CYSTM1: variants seen among roughly 807,000 people sequenced by gnomAD.
CYSTM1 encodes cysteine-rich transmembrane module-containing protein 1.
Under a neutral mutation model 13.1 loss-of-function variants are expected in CYSTM1, and 4 were observed. The observed-to-expected ratio is 0.31, with a 90% CI of 0.15 to 0.70. The LOEUF (loss-of-function observed/expected upper bound fraction) is 0.70, where lower values mean the gene tolerates loss of function less well. CYSTM1 is among the 30% of genes least tolerant of loss of function. The pLI, the probability that CYSTM1 is intolerant of heterozygous loss-of-function variation, is 0.72. For synonymous variants in CYSTM1, 36 were observed against 42.7 expected (o/e 0.84, Z 0.62); for missense variants, 96 against 121.6 (o/e 0.79, Z 0.99).
At chr5:140,209,269 C>CTTTTT (rs70988736) in intron 2 of CYSTM1, among the ~76,000 whole-genome samples, 1 of 137,346 alleles carries the variant, frequency 7.3e-6, no homozygotes. Context: ...TCTTTCTTTT[C>CTTTTT]TTTTTTTTTT....
In CYSTM1 at chr5:140,208,495, A is replaced by T. The variant is rs1323598567; in HGVS notation, c.187+13843A>T. Reference sequence around the variant, plus strand: ...GGATACAAAAGAATAGTTAGAAAGAATGAATGAGTCTGGTATTTGCTAGCA... The same window carrying T: ...GGATACAAAAGAATAGTTAGAAAGATTGAATGAGTCTGGTATTTGCTAGCA... On this transcript the variant is annotated intron_variant, in intron 2 of 2. Coordinates refer to ENST00000261811, the MANE Select transcript of CYSTM1 (RefSeq NM_032412.4). Among the ~76,000 whole-genome samples, 334 of 152,314 alleles carry T rather than the reference A, an allele frequency of 2.2e-3. 1 individual carries two copies. The highest frequency in any genetic ancestry group is 7.7e-3 in the African/African-American group (321 of 41,578).
At chr5:140,179,942 C>T (rs1405632574) in intron 1 of CYSTM1, among the ~76,000 whole-genome samples, 7 of 152,300 alleles carry the variant, frequency 4.6e-5, no homozygotes, top group African/African-American at 4.8e-5. Flanking sequence ...GGATTACAGA[C>T]GTGAGTCACC....
chr5:140,208,135 G>C (rs1252438528), intron 2 of CYSTM1, among the ~76,000 whole-genome samples: 1 of 152,172 alleles, frequency 6.6e-6, no homozygotes, highest in Non-Finnish European at 1.5e-5. Context: ...AGAGATACCT[G>C]CACTCTCATG....
chr5:140,190,184 A>AT (rs1764073923), intron 1 of CYSTM1, among the ~76,000 whole-genome samples: 1 of 152,108 alleles, frequency 6.6e-6, no homozygotes. Context: ...GAACTTTTAA[A>AT]TTTTTCTTAC....
At chr5:140,226,641 C>G (rs1764560794) in intron 2 of CYSTM1, among the ~76,000 whole-genome samples, 1 of 120,736 alleles carries the variant, frequency 8.3e-6, no homozygotes, top group Admixed American at 9.4e-5. Context: ...TGGCGCATGC[C>G]TGTAATCCCA....
chr5:140,179,529 C>T (rs1763938508), intron 1 of CYSTM1, among the ~76,000 whole-genome samples: 1 of 151,818 alleles, frequency 6.6e-6, no homozygotes, highest in African/African-American at 2.4e-5. Flanking sequence ...CACTGCACTC[C>T]AGCCTGGGAG....
At chr5:140,190,870 T>G (rs1354234728) in intron 1 of CYSTM1, among the ~76,000 whole-genome samples, 3 of 152,236 alleles carry the variant, frequency 2.0e-5, no homozygotes. Flanking sequence ...TGTTTGCATT[T>G]GATCTGTAGT....
intron 2 of CYSTM1, among the ~76,000 whole-genome samples, chr5:140,231,282 TC>T (rs1242335894): frequency 6.6e-6 from 1 of 152,236 alleles, no homozygotes; most frequent in Admixed American, 6.5e-5. Flanking sequence ...AATAATTTAT[TC>T]ATTCCATTGG....
In CYSTM1 at chr5:140,243,757, C is replaced by A; in HGVS notation, c.*346C>A. On this transcript the variant is annotated 3_prime_UTR_variant, in exon 3 of 3. Coordinates refer to ENST00000261811, the MANE Select transcript of CYSTM1 (RefSeq NM_032412.4). ...GAATGATTTCTCTGCTAACAGCCGC[C>A]TGTATGTTTCAATAAATTTGTCCAA... The A allele has an allele frequency of 5.0e-6, 1 of 199,390 alleles. No individual in the cohort carries two copies. The highest frequency in any genetic ancestry group is 1.0e-5 in the Non-Finnish European group (1 of 97,448). The allele number at this position is 199,390 out of a possible 1,614,324, so 12.4% of individuals were successfully genotyped here.
chr5:140,177,072 A>AAAAAAAACAAAAAAAAAACAAAC (rs1284934911), intron 1 of CYSTM1, among the ~76,000 whole-genome samples: 2 of 150,796 alleles, frequency 1.3e-5, no homozygotes, highest in African/African-American at 4.9e-5. Context: ...CTGTCTCAAA[A>AAAAAAAACAAAAAAAAAACAAAC]AAAAAAAAAA....
intron 2 of CYSTM1, among the ~76,000 whole-genome samples, chr5:140,207,689 T>A (rs1209763365): frequency 6.6e-6 from 1 of 152,222 alleles, no homozygotes; most frequent in African/African-American, 2.4e-5. Context: ...AGGTTCAGTT[T>A]CAGTTTCTCA....
At chr5:140,196,025 A>AGG (rs369746570) in intron 2 of CYSTM1, among the ~76,000 whole-genome samples, 3 of 9,406 alleles carry the variant, frequency 3.2e-4, no homozygotes, top group Non-Finnish European at 7.2e-4. Flanking sequence ...GCCTGGCGAC[A>AGG]GTGAGACTCC....
chr5:140,229,203 CTT>C lies in CYSTM1; in HGVS notation c.188-14094_188-14093del, dbSNP rs373851715. ...AAATATCTTCTTCCTATCTGACTCT[CTT>C]TTTTTTTGGAATGGAGTCTTGCTCT... is the stretch of plus-strand genomic sequence containing the variant. On this transcript the variant is annotated intron_variant, in intron 2 of 2. Coordinates refer to ENST00000261811, the MANE Select transcript of CYSTM1 (RefSeq NM_032412.4). 9.5e-3 allele frequency among the ~76,000 whole-genome samples: 1,440 copies of C among 151,290 alleles called. 17 individuals carry two copies. Among genetic ancestry groups the C allele is most frequent in the African/African-American group, 0.031 (1,262 of 41,226 alleles).
chr5:140,202,208 T>G (rs1764242662), intron 2 of CYSTM1: 1 of 152,172 alleles, frequency 6.6e-6, no homozygotes, highest in African/African-American at 2.4e-5. Flanking sequence ...AGTGCAGGGA[T>G]TACAAGCATG....
intron 2 of CYSTM1, among the ~76,000 whole-genome samples, chr5:140,227,640 G>C (rs1257472363): frequency 6.6e-6 from 1 of 152,160 alleles, no homozygotes; most frequent in Non-Finnish European, 1.5e-5. Context: ...GCCCAGGACT[G>C]AGGATGGGGC....
chr5:140,196,658 C>T (rs1047655256), intron 2 of CYSTM1, among the ~76,000 whole-genome samples: 7 of 152,118 alleles, frequency 4.6e-5, no homozygotes, highest in Admixed American at 2.0e-4. Context: ...GGTATTCAGG[C>T]CTGTGACATC....
chr5:140,207,129 G>C (rs1176236771), intron 2 of CYSTM1, among the ~76,000 whole-genome samples: 1 of 152,188 alleles, frequency 6.6e-6, no homozygotes, highest in East Asian at 1.9e-4. Context: ...AGAGGCTTGA[G>C]AAGCTTGTGG....
intron 2 of CYSTM1, among the ~76,000 whole-genome samples, chr5:140,232,926 C>A (rs913678327): frequency 6.6e-6 from 1 of 152,158 alleles, no homozygotes; most frequent in Non-Finnish European, 1.5e-5. Context: ...ATGTCCTCTG[C>A]GGTAGCTGCT....
chr5:140,207,155 G>A (rs1764308517), intron 2 of CYSTM1, among the ~76,000 whole-genome samples: 1 of 152,188 alleles, frequency 6.6e-6, no homozygotes, highest in Non-Finnish European at 1.5e-5. Context: ...GACCCAGCAA[G>A]TGGGTCTGGA....
Sources: gnomAD v4.1 joint callset for allele counts (sites outside exome capture counted in the v4.1 genomes callset) on GRCh38, gnomAD v4.1.1 for gene constraint, MANE v1.5 for transcripts, NCBI Gene and HGNC (gene_info 2026-07-23, HGNC 2026-07-21) for gene names.